Variants in NDFIP2 observed in about 807,000 individuals in gnomAD.
The protein encoded by NDFIP2 is Nedd4 family interacting protein 2.
A neutral mutation model predicts 36.0 loss-of-function variants in NDFIP2; 19 were observed. The ratio of observed to expected loss-of-function variants is 0.53; its 90% confidence interval spans 0.37 to 0.77. NDFIP2 has a LOEUF of 0.77. Among genes scored for constraint, NDFIP2 ranks in the 30% least tolerant of loss-of-function variants. The pLI, the probability that NDFIP2 is intolerant of heterozygous loss-of-function variation, is 0.00. For synonymous variants in NDFIP2, 181 were observed against 167.7 expected (o/e 1.08, Z -0.61); for missense variants, 446 against 435.8 (o/e 1.02, Z -0.21).
chr13:79,481,787 C>G (rs1200727042), intron 1 of NDFIP2, among the ~76,000 whole-genome samples: 1 of 151,872 alleles, frequency 6.6e-6, no homozygotes, highest in Non-Finnish European at 1.5e-5. Flanking sequence ...GAGACGCCCT[C>G]CCTCCACACA....
Position 79,539,819 on chromosome 13 carries a change from G to A in NDFIP2, c.715+44G>A, listed in dbSNP as rs564603212. On this transcript the variant is annotated intron_variant, in intron 4 of 7. Transcript: ENST00000218652. Reference sequence around the variant, plus strand: ...CTATTTTGGGTTGTTTTTATGAATTGGCTGTATGTGTATTAAAGTAACATA... The same window carrying A: ...CTATTTTGGGTTGTTTTTATGAATTAGCTGTATGTGTATTAAAGTAACATA... 3.4e-6 allele frequency: 5 copies of A among 1,484,258 alleles called. No homozygotes were observed. The East Asian group carries it at 6.8e-5, about 20-fold the overall frequency. 91.9% of individuals were successfully genotyped at this position (1,484,258 alleles called of 1,614,324 possible). A position where few individuals can be genotyped will look rare whatever the true frequency, so the allele number is the denominator to read the frequency against.
chr13:79,491,658 A>C (rs552177896), intron 1 of NDFIP2, among the ~76,000 whole-genome samples: 9 of 152,158 alleles, frequency 5.9e-5, no homozygotes, highest in Non-Finnish European at 1.2e-4. Context: ...ATGTTATTTT[A>C]GGATTTTGTA....
intron 1 of NDFIP2, among the ~76,000 whole-genome samples, chr13:79,497,638 A>G (rs1209186029): frequency 6.8e-6 from 1 of 148,050 alleles, no homozygotes; most frequent in Non-Finnish European, 1.5e-5. Flanking sequence ...TGCTGAAACT[A>G]GAGCCAACTG....
intron 4 of NDFIP2, among the ~76,000 whole-genome samples, 157 bp downstream of exon 4, chr13:79,539,932 A>G (rs902463890): frequency 6.6e-6 from 1 of 152,252 alleles, no homozygotes; most frequent in East Asian, 1.9e-4. Flanking sequence ...TACTGTGATC[A>G]TATGTTTAAA....
intron 1 of NDFIP2, among the ~76,000 whole-genome samples, chr13:79,488,985 A>G (rs1873123420): frequency 6.6e-6 from 1 of 152,240 alleles, no homozygotes; most frequent in African/African-American, 2.4e-5. Context: ...ATTATCCTCA[A>G]TTTGCAGGTG....
Position 79,513,948 on chromosome 13 carries a change from T to C in NDFIP2, c.322-6862T>C, listed in dbSNP as rs565642552. On this transcript the variant is annotated intron_variant, in intron 1 of 7. Transcript: ENST00000218652. Reference sequence around the variant, plus strand: ...ATTAAAGCAGTGTAAACACAACTAATGAATGTGCCATATAGAGCATGTTGT... The same window carrying C: ...ATTAAAGCAGTGTAAACACAACTAACGAATGTGCCATATAGAGCATGTTGT... Among the ~76,000 whole-genome samples the C allele has an allele frequency of 2.6e-5, 4 of 152,350 alleles. No individual in the cohort carries two copies. The South Asian group carries it at 6.2e-4, about 24-fold the overall frequency.
At chr13:79,494,145 A>G (rs1873348273) in intron 1 of NDFIP2, among the ~76,000 whole-genome samples, 1 of 152,034 alleles carries the variant, frequency 6.6e-6, no homozygotes, top group South Asian at 2.1e-4. Flanking sequence ...TACCCAAATC[A>G]TGATCTTTGT....
intron 3 of NDFIP2, among the ~76,000 whole-genome samples, chr13:79,537,455 A>T (rs1356683735): frequency 6.6e-6 from 1 of 152,158 alleles, no homozygotes; most frequent in Non-Finnish European, 1.5e-5. Flanking sequence ...TATTTTTGCC[A>T]TCACACTGAC....
intron 1 of NDFIP2, 21 bp from the exon 2 acceptor site, chr13:79,520,789 G>A: frequency 6.4e-7 from 1 of 1,574,012 alleles, no homozygotes; most frequent in Non-Finnish European, 8.7e-7. Context: ...TTAATGTTTT[G>A]TTTTTCTTTT....
At chr13:79,497,025 T>C (rs996528640) in intron 1 of NDFIP2, among the ~76,000 whole-genome samples, 8 of 152,074 alleles carry the variant, frequency 5.3e-5, no homozygotes, top group African/African-American at 1.7e-4. Flanking sequence ...GATTGGCATC[T>C]ACTGATTGCC....
In NDFIP2 at chr13:79,539,749, A is replaced by G; in HGVS notation, c.689A>G (p.Asp230Gly). 6.2e-7 allele frequency: 1 copy of G among 1,613,812 alleles called. No individual in the cohort carries two copies. The highest frequency in any genetic ancestry group is 8.5e-7 in the Non-Finnish European group (1 of 1,179,798). The change falls in exon 4 of 8, where the codon GAT becomes GGT. Residue 230 changes from aspartate (D) to glycine (G), a missense_variant. Asp to Gly is a moderately conservative substitution (Grantham distance 94). Coordinates refer to ENST00000218652, the MANE Select transcript of NDFIP2 (RefSeq NM_019080.3). Reference sequence around the variant, plus strand: ...GCAGACCAGCTCAGAGTGGGGAATGATGGCATTTTCATGCTGGCATTTTTC... The same window carrying G: ...GCAGACCAGCTCAGAGTGGGGAATGGTGGCATTTTCATGCTGGCATTTTTC... ...SDADQLRVGN[D>G]GIFMLAFFMA...
intron 2 of NDFIP2, among the ~76,000 whole-genome samples, chr13:79,526,260 A>G (rs1420831996): frequency 6.6e-6 from 1 of 152,194 alleles, no homozygotes; most frequent in Non-Finnish European, 1.5e-5. Flanking sequence ...TCAAAATGTT[A>G]TTTTTTGGCC....
In NDFIP2 at chr13:79,552,522, T is replaced by C. The variant is rs1041523558; in HGVS notation, c.*9T>C. ...ATTCCTTCTTTGTCTCCAGACTGCA[T>C]CAACCCGACATTCCTTTCTTATACC... On this transcript the variant is annotated 3_prime_UTR_variant, in exon 8 of 8. Coordinates refer to ENST00000218652, the MANE Select transcript of NDFIP2 (RefSeq NM_019080.3). The C allele has an allele frequency of 1.3e-5, 2 of 152,036 alleles. No homozygotes were observed. Among genetic ancestry groups the C allele is most frequent in the Non-Finnish European group, 3.0e-5 (2 of 67,468 alleles). The allele number at this position is 152,036 out of a possible 1,614,324, so 9.4% of individuals were successfully genotyped here. A position where few individuals can be genotyped will look rare whatever the true frequency, so the allele number is the denominator to read the frequency against.
At chr13:79,543,446 T>C in intron 4 of NDFIP2, 112 bp from the exon 5 acceptor site, 1 of 1,374,740 alleles carries the variant, frequency 7.3e-7, no homozygotes. Context: ...ATTGGCAGAG[T>C]TAAAAGAAAG....
intron 1 of NDFIP2, among the ~76,000 whole-genome samples, chr13:79,486,174 A>C (rs1204490465): frequency 6.6e-6 from 1 of 152,202 alleles, no homozygotes; most frequent in Non-Finnish European, 1.5e-5. Context: ...TCTGAAATCC[A>C]AAACACTTCT....
At chr13:79,533,884 T>C (rs1725495812) in intron 3 of NDFIP2, among the ~76,000 whole-genome samples, 1 of 152,100 alleles carries the variant, frequency 6.6e-6, no homozygotes, top group South Asian at 2.1e-4. Flanking sequence ...TCGGTGTCCC[T>C]AACCCGTGTA....
intron 1 of NDFIP2, among the ~76,000 whole-genome samples, chr13:79,497,675 T>C (rs1450706038): frequency 2.0e-5 from 3 of 149,338 alleles, no homozygotes; most frequent in Non-Finnish European, 4.5e-5. Flanking sequence ...TTTTTTTTTT[T>C]TTCTATTCCT....
chr13:79,522,629 A>G (rs147722412), intron 2 of NDFIP2, among the ~76,000 whole-genome samples: 84 of 152,186 alleles, frequency 5.5e-4, no homozygotes, highest in African/African-American at 2.0e-3. Flanking sequence ...AATTATCTCA[A>G]AAGCTTCTTT....
At chr13:79,505,643 C>T (rs1426517417) in intron 1 of NDFIP2, among the ~76,000 whole-genome samples, 1 of 148,366 alleles carries the variant, frequency 6.7e-6, no homozygotes. Flanking sequence ...AAAAAAAAAA[C>T]CCAAAAACCA....
Sources: gnomAD v4.1 joint callset for allele counts (sites outside exome capture counted in the v4.1 genomes callset) on GRCh38, gnomAD v4.1.1 for gene constraint, MANE v1.5 for transcripts, NCBI Gene and HGNC (gene_info 2026-07-23, HGNC 2026-07-21) for gene names.